The following RDX variants were observed in gnomAD, a reference collection of about 807,000 sequenced individuals.
The protein encoded by RDX is radixin, also known as deafness, autosomal recessive 24.
In RDX, 32 loss-of-function variants were observed where a neutral mutation model predicts 83.7. That is an observed-to-expected ratio of 0.38 (90% CI 0.29 to 0.51). RDX has a LOEUF of 0.51. Among genes scored for constraint, RDX ranks in the 20% least tolerant of loss-of-function variants. The probability of loss-of-function intolerance (pLI) is 0.87; values close to 1 mark genes in which losing one functional copy is unlikely to be tolerated. For missense variants in RDX, 600 were observed against 689.9 expected, an observed-to-expected ratio of 0.87 and a Z score of 1.46; for synonymous variants, 229 against 222.7, an observed-to-expected ratio of 1.03 and a Z score of -0.25.
chr11:110,235,925 T>C (rs929289789), intron 12 of RDX, among the ~76,000 whole-genome samples, 174 bp downstream of exon 12: 3 of 152,236 alleles, frequency 2.0e-5, no homozygotes, highest in African/African-American at 7.2e-5. Context: ...TCACCTCTTC[T>C]GTGTTCCCAA....
intron 7 of RDX, among the ~76,000 whole-genome samples, chr11:110,256,975 A>G (rs1859571387): frequency 1.3e-5 from 2 of 152,102 alleles, no homozygotes; most frequent in Admixed American, 6.6e-5. Flanking sequence ...AAAGGCATTA[A>G]TTACTGGCAT....
intron 14 of RDX, among the ~76,000 whole-genome samples, chr11:110,205,908 T>C (rs893812386): frequency 1.3e-5 from 2 of 152,136 alleles, no homozygotes; most frequent in Non-Finnish European, 2.9e-5. Context: ...AAAACATGAA[T>C]AGAAGACAAA....
intron 14 of RDX, among the ~76,000 whole-genome samples, chr11:110,223,453 G>C (rs1240222586): frequency 6.6e-6 from 1 of 152,052 alleles, no homozygotes; most frequent in East Asian, 1.9e-4. Flanking sequence ...CGCTTGAACC[G>C]AGAGGTGAAA....
intron 7 of RDX, among the ~76,000 whole-genome samples, 170 bp downstream of exon 7, chr11:110,257,597 A>C (rs575056542): frequency 6.6e-6 from 1 of 152,292 alleles, no homozygotes; most frequent in African/African-American, 2.4e-5. Flanking sequence ...CAAGGTGATA[A>C]GAAAATGGAG....
chr11:110,276,426 G>A (rs73010081), intron 2 of RDX, among the ~76,000 whole-genome samples: 2,899 of 152,152 alleles, frequency 0.019, 39 homozygotes, highest in Non-Finnish European at 0.031. Flanking sequence ...ATGTGGTAGG[G>A]CAAGTCTCCA....
rs746720537 is a variant in RDX at position 110,264,765 on chromosome 11, C to A, written c.192+14G>T. The A allele has an allele frequency of 6.5e-7, 1 of 1,528,428 alleles. No individual in the cohort carries two copies. The highest frequency in any genetic ancestry group is 1.7e-5 in the Admixed American group (1 of 59,550). 94.7% of individuals were successfully genotyped at this position (1,528,428 alleles called of 1,614,324 possible). On this transcript the variant is annotated intron_variant, in intron 4 of 13. Transcript: ENST00000645495. ...AACATAATTATTAGTTTAATGTTAT[C>A]GTACATATTTTACCTTTTTATTTAG...
At chr11:110,262,519 C>T (rs748635685) in intron 5 of RDX, among the ~76,000 whole-genome samples, 10 of 151,368 alleles carry the variant, frequency 6.6e-5, no homozygotes, top group South Asian at 2.1e-4. Flanking sequence ...ATCCGGGAGG[C>T]GGAGGTTGCA....
chr11:110,266,194 G>A (rs559827277), intron 3 of RDX, among the ~76,000 whole-genome samples: 56 of 152,028 alleles, frequency 3.7e-4, no homozygotes, highest in South Asian at 2.7e-3. Flanking sequence ...TTAGCTGGGC[G>A]TGGTGGCATG....
chr11:110,198,572 C>A (rs530266622), intron 15 of RDX, among the ~76,000 whole-genome samples: 1 of 152,154 alleles, frequency 6.6e-6, no homozygotes, highest in African/African-American at 2.4e-5. Context: ...CTCAAAGGAG[C>A]GAACCCTATT....
intron 15 of RDX, among the ~76,000 whole-genome samples, chr11:110,184,170 C>T (rs1352848696): frequency 6.6e-6 from 1 of 152,228 alleles, no homozygotes; most frequent in Non-Finnish European, 1.5e-5. Flanking sequence ...GGAGACGGAG[C>T]TGATCTGAGC....
chr11:110,234,344 T>G (rs1258281388), intron 12 of RDX, among the ~76,000 whole-genome samples: 2 of 152,126 alleles, frequency 1.3e-5, no homozygotes, highest in Non-Finnish European at 2.9e-5. Context: ...TAAAAGAGAC[T>G]TACAGCAAAT....
rs3040335 is a variant in RDX, at chr11:110,206,256, CA to C, written c.1749-6579del. 7.4e-3 allele frequency among the ~76,000 whole-genome samples: 819 copies of C among 110,174 alleles called. 6 individuals are homozygous for C. The highest frequency in any genetic ancestry group is 0.025 in the African/African-American group (708 of 28,146). The allele number at this position is 110,174 out of a possible 152,430, so 72.3% of individuals were successfully genotyped here. A position where few individuals can be genotyped will look rare whatever the true frequency, so the allele number is the denominator to read the frequency against. ...TGGACGACAGAGTGAGAGTCCATCT[CA>C]AAAAAAAAAAAAAAAAAATACTGGT... On this transcript the variant is annotated intron_variant, in intron 14 of 15. Coordinates refer to the RDX transcript ENST00000528498.
intron 2 of RDX, among the ~76,000 whole-genome samples, chr11:110,273,497 T>C (rs1860384741): frequency 6.6e-6 from 1 of 152,224 alleles, no homozygotes; most frequent in Non-Finnish European, 1.5e-5. Flanking sequence ...CACTGCAACC[T>C]TGATCTCCTG....
chr11:110,184,596 C>T lies in RDX; in HGVS notation c.*32-9362G>A, dbSNP rs1302548598. Among the ~76,000 whole-genome samples, 4 of 152,224 alleles carry T rather than the reference C, an allele frequency of 2.6e-5. 1 individual carries two copies. In the East Asian group the frequency reaches 7.7e-4, roughly 29 times the overall value. On this transcript the variant is annotated intron_variant, in intron 15 of 15. Coordinates refer to the RDX transcript ENST00000528498. ...ATGGGGGTGGGAGGCCTGAAGGAAG[C>T]CCTGGAGATGGGAAAGTCCTAGAGG...
downstream of RDX, among the ~76,000 whole-genome samples, chr11:110,228,475 TTATTCTTACTAATG>T (rs1169997463): frequency 3.9e-5 from 6 of 152,074 alleles, no homozygotes; most frequent in African/African-American, 1.4e-4. Context: ...CTGTTTTCTC[TTATTCTTACTAATG>T]GTATCTAAGC....
chr11:110,252,804 G>T (rs149687657), intron 9 of RDX, among the ~76,000 whole-genome samples: 127 of 152,122 alleles, frequency 8.3e-4, no homozygotes, highest in African/African-American at 2.9e-3. Context: ...ATTTTTAAGA[G>T]AAAGGGTTTT....
chr11:110,289,249 A>C (rs1000313181), intron 1 of RDX, among the ~76,000 whole-genome samples: 5 of 151,758 alleles, frequency 3.3e-5, no homozygotes, highest in Non-Finnish European at 7.4e-5. Flanking sequence ...AAAAAAAAAA[A>C]AAAAAAAAAA....
At chr11:110,292,446 G>C (rs968263558) in intron 1 of RDX, among the ~76,000 whole-genome samples, 3 of 151,856 alleles carry the variant, frequency 2.0e-5, no homozygotes, top group Admixed American at 2.0e-4. Context: ...CTCCAGCTTG[G>C]GTGACAGAGG....
intron 14 of RDX, among the ~76,000 whole-genome samples, chr11:110,222,351 G>GC (rs778185798): frequency 2.6e-5 from 4 of 152,078 alleles, no homozygotes; most frequent in Non-Finnish European, 5.9e-5. Context: ...TACAGCTTAT[G>GC]CCCCCCAAAT....
Sources: gnomAD v4.1 joint callset for allele counts (sites outside exome capture counted in the v4.1 genomes callset) on GRCh38, gnomAD v4.1.1 for gene constraint, MANE v1.5 for transcripts, NCBI Gene and HGNC (gene_info 2026-07-23, HGNC 2026-07-21) for gene names.